Variants in SPOP observed in about 807,000 individuals in gnomAD.
SPOP encodes speckle type BTB/POZ protein.
In SPOP, 11 loss-of-function variants were observed where a neutral mutation model predicts 45.6. That is an observed-to-expected ratio of 0.24 (90% CI 0.15 to 0.40). The LOEUF is 0.40. Ranked by LOEUF, SPOP falls within the 10% of genes least tolerant of loss-of-function variation. The probability of loss-of-function intolerance (pLI) is 1.00; values close to 1 mark genes in which losing one functional copy is unlikely to be tolerated. For synonymous variants in SPOP, 166 were observed against 166.3 expected (o/e 1.00, Z 0.01); for missense variants, 152 against 465.6 (o/e 0.33, Z 6.20).
intron 3 of SPOP, among the ~76,000 whole-genome samples, chr17:49,620,183 G>GA (rs969461842): frequency 1.4e-4 from 20 of 140,598 alleles, no homozygotes; most frequent in Admixed American, 9.3e-4. Context: ...AAAAGAAAAA[G>GA]AAAAAAAAAA....
intron 3 of SPOP, 121 bp downstream of exon 3, chr17:49,621,825 A>T: frequency 4.7e-6 from 5 of 1,073,064 alleles, no homozygotes; most frequent in Non-Finnish European, 6.7e-6. Flanking sequence ...TGGGAAATAC[A>T]GTAAGAACAA....
At chr17:49,673,556 T>A (rs1302118009) in intron 1 of SPOP, among the ~76,000 whole-genome samples, 1 of 152,072 alleles carries the variant, frequency 6.6e-6, no homozygotes, top group Admixed American at 6.6e-5. Context: ...AAAGTAAATA[T>A]AGCAAAATGT....
intron 1 of SPOP, among the ~76,000 whole-genome samples, chr17:49,624,317 A>ACG (rs1205531205): frequency 1.1e-4 from 12 of 109,686 alleles, no homozygotes; most frequent in African/African-American, 4.2e-4. Flanking sequence ...GAACACACAC[A>ACG]CACGCGCGCG....
intron 1 of SPOP, among the ~76,000 whole-genome samples, chr17:49,669,796 T>A (rs966886940): frequency 1.4e-5 from 2 of 146,404 alleles, no homozygotes; most frequent in African/African-American, 2.5e-5. Context: ...TAAGACAGCA[T>A]AAAAGATGTT....
chr17:49,657,186 ACT>A (rs780491130), intron 1 of SPOP, among the ~76,000 whole-genome samples: 8 of 150,504 alleles, frequency 5.3e-5, no homozygotes, highest in East Asian at 2.0e-4. Context: ...ACAGAGCAAG[ACT>A]CTGTCTCAAA....
Position 49,607,905 on chromosome 17 carries a change from A to G in SPOP, c.683T>C (p.Met228Thr). The G allele has an allele frequency of 6.2e-7, 1 of 1,612,638 alleles. No homozygotes were observed. Among genetic ancestry groups the G allele is most frequent in the Non-Finnish European group, 8.5e-7 (1 of 1,179,094 alleles). ...GCTCTCCTCCATTTCATGTTCAAAC[A>G]TGGCACTAAAAACCGGAGAACGAGC... is the stretch of plus-strand genomic sequence containing the variant. The part of the protein sequence containing the change: ...LAARSPVFSA[M>T]FEHEMEESKK... The change falls in exon 7 of 10, where the codon ATG (methionine) becomes ACG (threonine). Residue 228 changes from methionine (M) to threonine (T), a missense_variant. Physicochemically the swap from Met to Thr is moderately conservative, Grantham distance 81 (BLOSUM62 -1). Transcript: ENST00000504102.
At chr17:49,607,472 G>C (rs1206821104) in intron 7 of SPOP, 100 bp from the exon 8 acceptor site, 2 of 1,428,848 alleles carry the variant, frequency 1.4e-6, no homozygotes, top group Non-Finnish European at 1.9e-6. Context: ...AGAGAACTTT[G>C]TATCATTTAA....
chr17:49,627,972 G>A (rs1217899332), intron 1 of SPOP, among the ~76,000 whole-genome samples: 1 of 152,174 alleles, frequency 6.6e-6, no homozygotes, highest in Non-Finnish European at 1.5e-5. Flanking sequence ...GGAACCATGG[G>A]CAAAGTGTTC....
At chr17:49,656,618 C>T (rs762535471) in intron 1 of SPOP, among the ~76,000 whole-genome samples, 1 of 152,198 alleles carries the variant, frequency 6.6e-6, no homozygotes, top group Non-Finnish European at 1.5e-5. Flanking sequence ...GAATACTACC[C>T]TTCCAGGTCC....
At chr17:49,617,126 C>T (rs1247266590) in intron 5 of SPOP, among the ~76,000 whole-genome samples, 1 of 152,122 alleles carries the variant, frequency 6.6e-6, no homozygotes, top group Non-Finnish European at 1.5e-5. Flanking sequence ...AAGGCTGGAC[C>T]CACTGTGGAC....
chr17:49,606,334 T>C (rs1261644802), intron 8 of SPOP, among the ~76,000 whole-genome samples: 2 of 151,748 alleles, frequency 1.3e-5, no homozygotes, highest in African/African-American at 4.8e-5. Flanking sequence ...TTTTTATTTT[T>C]ATTTTTGTAG....
At chr17:49,624,044 G>A (rs917212103) in intron 1 of SPOP, among the ~76,000 whole-genome samples, 12 of 152,030 alleles carry the variant, frequency 7.9e-5, no homozygotes, top group African/African-American at 2.4e-4. Context: ...TCAATGGGGT[G>A]TCTCAGTAGC....
At chr17:49,670,103 C>T (rs1275326453) in intron 1 of SPOP, among the ~76,000 whole-genome samples, 1 of 152,164 alleles carries the variant, frequency 6.6e-6, no homozygotes, top group Non-Finnish European at 1.5e-5. Flanking sequence ...GGTCTATATC[C>T]AGCTCTCCCA....
At chr17:49,625,069 G>C (rs1212958515) in intron 1 of SPOP, among the ~76,000 whole-genome samples, 2 of 152,060 alleles carry the variant, frequency 1.3e-5, no homozygotes, top group Middle Eastern at 3.2e-3. Flanking sequence ...CCCACCCCCA[G>C]AGTTTCTGAT....
intron 1 of SPOP, among the ~76,000 whole-genome samples, chr17:49,669,850 G>C (rs2073115465): frequency 1.3e-5 from 2 of 151,738 alleles, no homozygotes; most frequent in African/African-American, 2.4e-5. Flanking sequence ...TTTCTACATG[G>C]TTATCTGTTT....
intron 1 of SPOP, among the ~76,000 whole-genome samples, chr17:49,634,518 C>T (rs761416527): frequency 8.5e-5 from 13 of 152,154 alleles, no homozygotes; most frequent in Non-Finnish European, 1.3e-4. Context: ...GTCTTTGACC[C>T]ACTCCCCTCA....
intron 1 of SPOP, among the ~76,000 whole-genome samples, chr17:49,655,436 G>A (rs1042375390): frequency 1.2e-4 from 19 of 152,002 alleles, no homozygotes; most frequent in Admixed American, 7.9e-4. Flanking sequence ...GCGTGAACCC[G>A]GGAGGCGGAG....
chr17:49,606,618 T>C (rs908409352), intron 8 of SPOP, among the ~76,000 whole-genome samples: 1 of 150,308 alleles, frequency 6.7e-6, no homozygotes, highest in Non-Finnish European at 1.5e-5. Flanking sequence ...CTCAGCCTCC[T>C]GAGTAGCTGG....
rs1355440883 is a variant in SPOP at position 49,678,030 on chromosome 17, ACACACACACTCGGAGCGCGCACACT to A, written c.-189_-165del. The A allele has an allele frequency of 5.8e-5, 23 of 398,730 alleles. No individual in the cohort carries two copies. Among genetic ancestry groups the A allele is most frequent in the Non-Finnish European group, 9.3e-5 (21 of 226,312 alleles). 24.7% of individuals were successfully genotyped at this position (398,730 alleles called of 1,614,324 possible). A position where few individuals can be genotyped will look rare whatever the true frequency, so the allele number is the denominator to read the frequency against. On this transcript the variant is annotated 5_prime_UTR_variant, in exon 1 of 10. The change creates a premature stop within an existing upstream ORF in the 5' untranslated region. Coordinates refer to ENST00000504102, the MANE Select transcript of SPOP (RefSeq NM_001007228.2). Reference sequence around the variant, plus strand: ...CCTGCGGGACCGCCGATACACAAATACACACACACTCGGAGCGCGCACACTCACACACACACATACACACCGACAC... The same window carrying A: ...CCTGCGGGACCGCCGATACACAAATACACACACACACATACACACCGACAC...
Sources: allele counts gnomAD v4.1 joint callset (sites outside exome capture counted in the v4.1 genomes callset), GRCh38; gene constraint gnomAD v4.1.1; transcripts MANE v1.5; gene names NCBI Gene and HGNC (gene_info 2026-07-23, HGNC 2026-07-21).